Variants in DCDC1 observed in about 807,000 individuals in gnomAD.
DCDC1 encodes doublecortin domain-containing protein 1.
Under a neutral mutation model 178.3 loss-of-function variants are expected in DCDC1, and 200 were observed. The observed-to-expected ratio is 1.12, with a 90% CI of 1.00 to 1.26. The LOEUF is 1.26. Among genes scored for constraint, DCDC1 ranks in the 50% most tolerant of loss-of-function variants. The pLI, the probability that DCDC1 is intolerant of heterozygous loss-of-function variation, is 0.00. For missense variants in DCDC1, 1,983 were observed against 1,749.2 expected (o/e 1.13, Z -2.38); for synonymous variants, 690 against 604.8 (o/e 1.14, Z -2.07).
Position 30,879,145 on chromosome 11 carries a change from G to A in DCDC1, c.5234-434C>T, listed in dbSNP as rs534555917. On this transcript the variant is annotated intron_variant, in intron 37 of 38. Transcript: ENST00000684477. ...ATCCAATTGATTTTTTAAAAAACCC[G>A]AAGTGATTCTTTGATGAATTTCACA... Among the ~76,000 whole-genome samples, 13 of 152,232 alleles carry A rather than the reference G, an allele frequency of 8.5e-5. No individual in the cohort carries two copies. In the South Asian group the frequency reaches 1.2e-3, roughly 15 times the overall value.
At chr11:30,930,959 T>C (rs1228181319) in intron 22 of DCDC1, among the ~76,000 whole-genome samples, 1 of 152,160 alleles carries the variant, frequency 6.6e-6, no homozygotes, top group Non-Finnish European at 1.5e-5. Flanking sequence ...AATCTGAATG[T>C]TACTCATTGT....
intron 9 of DCDC1, among the ~76,000 whole-genome samples, chr11:31,145,907 A>G (rs1010078269): frequency 2.0e-5 from 3 of 151,948 alleles, no homozygotes; most frequent in African/African-American, 7.3e-5. Flanking sequence ...TCCTTGGCTT[A>G]GTCTATCAAT....
chr11:30,985,145 T>C (rs1392485731), intron 20 of DCDC1, among the ~76,000 whole-genome samples: 2 of 152,108 alleles, frequency 1.3e-5, no homozygotes, highest in South Asian at 2.1e-4. Flanking sequence ...AAGTCTTCAG[T>C]ACAGGAAACA....
At chr11:31,207,690 C>T (rs919350169) in intron 9 of DCDC1, among the ~76,000 whole-genome samples, 7 of 152,148 alleles carry the variant, frequency 4.6e-5, no homozygotes, top group African/African-American at 1.7e-4. Flanking sequence ...TTAAGGAACC[C>T]TCCCCTGGCC....
At chr11:31,076,920 C>T (rs538377913) in intron 18 of DCDC1, among the ~76,000 whole-genome samples, 1 of 152,214 alleles carries the variant, frequency 6.6e-6, no homozygotes, top group Non-Finnish European at 1.5e-5. Context: ...TATTCACTTG[C>T]CATTTTCAGC....
At chr11:30,928,516 T>C (rs899063114) in intron 22 of DCDC1, among the ~76,000 whole-genome samples, 1 of 150,756 alleles carries the variant, frequency 6.6e-6, no homozygotes, top group Non-Finnish European at 1.5e-5. Flanking sequence ...GTGAAATATG[T>C]TTTTTAAATG....
In DCDC1 at chr11:30,901,994, T is replaced by G. The variant is rs565918354; in HGVS notation, c.4510+1488A>C. Among the ~76,000 whole-genome samples, 12 of 152,268 alleles carry G rather than the reference T, an allele frequency of 7.9e-5. 1 individual carries two copies. The South Asian group carries it at 2.5e-3, about 32-fold the overall frequency. On this transcript the variant is annotated intron_variant, in intron 32 of 38. Transcript: ENST00000684477. ...CACAAATGACTATTATTCATATTTA[T>G]GAGGACCAAATGAATATATTAATAA...
intron 15 of DCDC1, 149 bp downstream of exon 15, chr11:31,102,028 G>A (rs2135735772): frequency 2.3e-6 from 1 of 432,104 alleles, no homozygotes. Context: ...AGTGAGCCGA[G>A]ATGGCACCAC....
intron 32 of DCDC1, among the ~76,000 whole-genome samples, chr11:30,902,023 T>C (rs1315693591): frequency 3.9e-5 from 6 of 152,110 alleles, no homozygotes; most frequent in African/African-American, 1.4e-4. Flanking sequence ...TTAATAATGA[T>C]CAAACGAATA....
At chr11:31,363,053 T>C (rs533078357) in intron 1 of DCDC1, among the ~76,000 whole-genome samples, 36 of 152,268 alleles carry the variant, frequency 2.4e-4, no homozygotes, top group South Asian at 2.1e-4. Context: ...ACTGTTGAAG[T>C]TGTAATGCTT....
At chr11:31,285,509 T>C (rs1484239173) in intron 7 of DCDC1, among the ~76,000 whole-genome samples, 2 of 152,166 alleles carry the variant, frequency 1.3e-5, no homozygotes, top group Non-Finnish European at 2.9e-5. Flanking sequence ...AAATCTCTGC[T>C]GCCATAGTTA....
intron 9 of DCDC1, among the ~76,000 whole-genome samples, chr11:31,224,170 T>C (rs1974632255): frequency 6.6e-6 from 1 of 152,046 alleles, no homozygotes; most frequent in Non-Finnish European, 1.5e-5. Flanking sequence ...TTAAAACTCT[T>C]TTTCTTCCCA....
chr11:30,994,058 T>C (rs1459797873), intron 20 of DCDC1, among the ~76,000 whole-genome samples: 1 of 152,008 alleles, frequency 6.6e-6, no homozygotes, highest in Non-Finnish European at 1.5e-5. Context: ...CAGCAAAATA[T>C]TACCAAATTA....
At chr11:30,890,839 A>G (rs1260820938) in intron 36 of DCDC1, among the ~76,000 whole-genome samples, 2 of 152,198 alleles carry the variant, frequency 1.3e-5, no homozygotes. Context: ...GTAGTTTTGA[A>G]TTACTGTATT....
chr11:31,154,722 G>A (rs1352295392), intron 9 of DCDC1, among the ~76,000 whole-genome samples: 1 of 152,182 alleles, frequency 6.6e-6, no homozygotes, highest in Non-Finnish European at 1.5e-5. Context: ...GGAGGATAAA[G>A]AGTCCATTGT....
chr11:30,925,288 G>A (rs899801592), intron 23 of DCDC1, 21 bp downstream of exon 23: 4 of 1,598,424 alleles, frequency 2.5e-6, no homozygotes, highest in East Asian at 2.2e-5. Context: ...AATATTGCCA[G>A]TTTCAAATCC....
chr11:30,998,151 C>A (rs1951374568), intron 20 of DCDC1, among the ~76,000 whole-genome samples: 1 of 151,896 alleles, frequency 6.6e-6, no homozygotes, highest in South Asian at 2.1e-4. Flanking sequence ...AAAAATTAGT[C>A]CAGTGTTGCA....
intron 18 of DCDC1, among the ~76,000 whole-genome samples, chr11:31,068,595 A>C (rs1382795194): frequency 6.6e-6 from 1 of 152,142 alleles, no homozygotes; most frequent in African/African-American, 2.4e-5. Context: ...TCTAATCAAG[A>C]ATGATACACT....
chr11:30,900,334 C>CA lies in DCDC1; in HGVS notation c.4663+11dup, dbSNP rs758787077. Reference sequence around the variant, plus strand: ...ATACTTGCTTGAAAGAAAGCAAAAACAAAAAAGTTACCATTTGGAGGTAGA... The same window carrying CA: ...ATACTTGCTTGAAAGAAAGCAAAAACAAAAAAAGTTACCATTTGGAGGTAGA... On this transcript the variant is annotated intron_variant, in intron 33 of 38. Coordinates refer to ENST00000684477, the MANE Select transcript of DCDC1 (RefSeq NM_001387274.1). The CA allele has an allele frequency of 5.3e-6, 8 of 1,499,878 alleles. No homozygotes were observed. Among genetic ancestry groups the CA allele is most frequent in the Non-Finnish European group, 7.1e-6 (8 of 1,124,468 alleles). The allele number at this position is 1,499,878 out of a possible 1,614,324, so 92.9% of individuals were successfully genotyped here.
Sources: gnomAD v4.1 joint callset for allele counts (sites outside exome capture counted in the v4.1 genomes callset) on GRCh38, gnomAD v4.1.1 for gene constraint, MANE v1.5 for transcripts, NCBI Gene and HGNC (gene_info 2026-07-23, HGNC 2026-07-21) for gene names.